The following CPNE4 variants were observed in gnomAD, a reference collection of about 807,000 sequenced individuals.
CPNE4 encodes copine 4.
CPNE4 carries 25 observed loss-of-function variants against 67.9 expected under a neutral mutation model. The observed-to-expected ratio is 0.37, with a 90% confidence interval of 0.27 to 0.51. The LOEUF is 0.51. Among genes scored for constraint, CPNE4 ranks in the 20% least tolerant of loss-of-function variants. CPNE4 has a pLI of 0.93. For synonymous variants in CPNE4, 242 were observed against 244.9 expected, an observed-to-expected ratio of 0.99 and a Z score of 0.11; for missense variants, 464 against 690.8, an observed-to-expected ratio of 0.67 and a Z score of 3.68.
intron 1 of CPNE4, among the ~76,000 whole-genome samples, chr3:132,021,340 T>C (rs77034027): frequency 0.12 from 18,334 of 152,246 alleles, 1,211 homozygotes; most frequent in African/African-American, 0.16. Flanking sequence ...AACAAAGTTC[T>C]ACTACTTAGC....
At chr3:131,805,375 T>C (rs1466983293) in intron 2 of CPNE4, among the ~76,000 whole-genome samples, 1 of 152,214 alleles carries the variant, frequency 6.6e-6, no homozygotes, top group East Asian at 1.9e-4. Flanking sequence ...GCCAGTGATT[T>C]CAACAATTTT....
chr3:131,654,880 A>C (rs2079911851), intron 7 of CPNE4, among the ~76,000 whole-genome samples: 1 of 152,184 alleles, frequency 6.6e-6, no homozygotes, highest in African/African-American at 2.4e-5. Flanking sequence ...TACAATACCC[A>C]GTCCAGTCCC....
intron 7 of CPNE4, among the ~76,000 whole-genome samples, chr3:131,620,975 A>T (rs193123729): frequency 6.6e-6 from 1 of 151,832 alleles, no homozygotes; most frequent in African/African-American, 2.4e-5. Context: ...TAGGAAACTC[A>T]TAACACCATC....
At chr3:131,889,144 G>A (rs968140940) in intron 2 of CPNE4, among the ~76,000 whole-genome samples, 4 of 152,100 alleles carry the variant, frequency 2.6e-5, no homozygotes, top group African/African-American at 7.2e-5. Flanking sequence ...CATCTCAATA[G>A]ATCCTTATAA....
At chr3:131,645,707 C>T (rs1446795481) in intron 7 of CPNE4, among the ~76,000 whole-genome samples, 1 of 152,118 alleles carries the variant, frequency 6.6e-6, no homozygotes, top group Non-Finnish European at 1.5e-5. Flanking sequence ...GATTATGTGG[C>T]CCTGACTCCC....
intron 1 of CPNE4, among the ~76,000 whole-genome samples, chr3:131,911,646 C>A (rs1484688524): frequency 6.6e-6 from 1 of 151,162 alleles, no homozygotes; most frequent in African/African-American, 2.4e-5. Context: ...TAGTGCTCAT[C>A]TTGGTAATAT....
intron 6 of CPNE4, among the ~76,000 whole-genome samples, chr3:131,683,288 G>T (rs2080803530): frequency 6.6e-6 from 1 of 152,198 alleles, no homozygotes; most frequent in Non-Finnish European, 1.5e-5. Context: ...CAAGGCCCAT[G>T]GTGAGTACAG....
At chr3:131,730,404 C>T (rs1219292908) in intron 2 of CPNE4, among the ~76,000 whole-genome samples, 1 of 152,090 alleles carries the variant, frequency 6.6e-6, no homozygotes, top group Non-Finnish European at 1.5e-5. Flanking sequence ...AAAGTAGTGG[C>T]AAAGGTAAGA....
intron 1 of CPNE4, among the ~76,000 whole-genome samples, chr3:131,942,888 C>T (rs1284597896): frequency 1.3e-5 from 2 of 152,102 alleles, no homozygotes; most frequent in East Asian, 3.8e-4. Context: ...TGCAGGCTCT[C>T]CAGTCCAAAA....
At chr3:131,721,343 CAAAA>C (rs58912595) in intron 3 of CPNE4, among the ~76,000 whole-genome samples, 4 of 63,508 alleles carry the variant, frequency 6.3e-5, no homozygotes, top group Middle Eastern at 0.012. Context: ...AGCTTTGGAC[CAAAA>C]AAAAAAAAAA....
rs994639900 is a variant in CPNE4 at position 131,549,755 on chromosome 3, C to G, written c.1302+192G>C. Among the ~76,000 whole-genome samples the G allele has an allele frequency of 7.2e-5, 11 of 152,240 alleles. No individual in the cohort carries two copies. The East Asian group carries it at 2.1e-3, about 29-fold the overall frequency. ...TGTGTCATCTCTTAGCCTCACAACCCAGCAAAGATGGGTTTGATTATCCCC... is the reference window on the plus strand; with the variant it reads ...TGTGTCATCTCTTAGCCTCACAACCGAGCAAAGATGGGTTTGATTATCCCC... On this transcript the variant is annotated intron_variant, in intron 14 of 15. Transcript: ENST00000429747.
intron 7 of CPNE4, among the ~76,000 whole-genome samples, chr3:131,622,044 AG>A (rs1559998527): frequency 1.3e-5 from 2 of 151,448 alleles, no homozygotes; most frequent in Middle Eastern, 3.4e-3. Flanking sequence ...AAAAAAGAAA[AG>A]AAAAAAAGAA....
At chr3:131,953,259 A>AAAAAT (rs2071834206) in intron 1 of CPNE4, among the ~76,000 whole-genome samples, 1 of 150,278 alleles carries the variant, frequency 6.7e-6, no homozygotes, top group African/African-American at 2.5e-5. Flanking sequence ...AAAAAAAAAA[A>AAAAAT]AAAAAAAGAA....
At chr3:131,701,635 G>A (rs1361858664) in intron 3 of CPNE4, among the ~76,000 whole-genome samples, 1 of 152,130 alleles carries the variant, frequency 6.6e-6, no homozygotes, top group Admixed American at 6.6e-5. Context: ...GAAGTCTCTG[G>A]CTAACAGCCA....
intron 7 of CPNE4, among the ~76,000 whole-genome samples, chr3:131,629,112 T>C (rs1305755301): frequency 1.3e-5 from 2 of 152,206 alleles, no homozygotes; most frequent in Non-Finnish European, 2.9e-5. Flanking sequence ...TTTGCTCTCA[T>C]TGGTTTCAAA....
chr3:131,827,356 C>A (rs1298955860), intron 2 of CPNE4, among the ~76,000 whole-genome samples: 1 of 151,004 alleles, frequency 6.6e-6, no homozygotes, highest in Non-Finnish European at 1.5e-5. Flanking sequence ...TGAAGCAAGA[C>A]TGTGGTAAAC....
intron 11 of CPNE4, among the ~76,000 whole-genome samples, chr3:131,558,072 A>G (rs759641560): frequency 1.8e-4 from 28 of 152,096 alleles, no homozygotes; most frequent in Middle Eastern, 3.4e-3. Context: ...TGGGGATTCA[A>G]TGTTTGCTGA....
chr3:131,841,907 A>C (rs2107620840), intron 2 of CPNE4, among the ~76,000 whole-genome samples: 1 of 152,270 alleles, frequency 6.6e-6, no homozygotes, highest in East Asian at 1.9e-4. Context: ...GAGGAAATAA[A>C]AGTTCTGCCT....
intron 7 of CPNE4, among the ~76,000 whole-genome samples, chr3:131,629,961 A>C (rs1291913684): frequency 6.6e-6 from 1 of 151,768 alleles, no homozygotes; most frequent in Non-Finnish European, 1.5e-5. Flanking sequence ...TTACTCTCAA[A>C]ATATCTTATT....
Sources: allele counts gnomAD v4.1 joint callset (sites outside exome capture counted in the v4.1 genomes callset), GRCh38; gene constraint gnomAD v4.1.1; transcripts MANE v1.5; gene names NCBI Gene and HGNC (gene_info 2026-07-23, HGNC 2026-07-21).